NPY: variants seen among roughly 807,000 people sequenced by gnomAD.
The protein encoded by NPY is neuropeptide Y, also known as pro-neuropeptide Y.
NPY carries 11 observed loss-of-function variants against 13.2 expected under a neutral mutation model. The ratio of observed to expected loss-of-function variants is 0.83; its 90% CI spans 0.52 to 1.38. The LOEUF is 1.38. Ranked by LOEUF, NPY falls within the 40% of genes most tolerant of loss-of-function variation. The pLI is 0.00. For synonymous variants in NPY, 51 were observed against 55.6 expected (o/e 0.92, Z 0.37); for missense variants, 109 against 125.1 (o/e 0.87, Z 0.61).
intron 3 of NPY, 21 bp downstream of exon 3, chr7:24,289,600 G>C (rs1306721746): frequency 2.5e-6 from 4 of 1,595,042 alleles, no homozygotes; most frequent in Non-Finnish European, 3.4e-6. Flanking sequence ...GCTTGTGATG[G>C]GGACATTGTT....
rs772783329 is a variant in NPY at position 24,291,645 on chromosome 7, GCTT to G, written c.270-14_270-12del. ...TTGGGCAGCTTTCCTTACATGCTTT[GCTT>G]CTTATGTTTTACAGGCTTGAAGACC... On this transcript the variant is annotated splice_polypyrimidine_tract_variant and intron_variant, in intron 3 of 3. Coordinates refer to ENST00000242152, the MANE Select transcript of NPY (RefSeq NM_000905.4). 1.9e-6 allele frequency: 3 copies of G among 1,613,942 alleles called. No homozygotes were observed. The South Asian group carries it at 3.3e-5, about 18-fold the overall frequency.
At chr7:24,290,775 A>AATAATAATAATTATTATTATTATTATT (rs10701264) in intron 3 of NPY, among the ~76,000 whole-genome samples, 7 of 129,636 alleles carry the variant, frequency 5.4e-5, no homozygotes, top group Admixed American at 7.8e-5. Context: ...TAATAATAAT[A>AATAATAATAATTATTATTATTATTATT]ATTATTATTA....
intron 1 of NPY, chr7:24,284,885 G>A (rs1787295118): frequency 2.8e-6 from 1 of 356,174 alleles, no homozygotes; most frequent in Non-Finnish European, 5.2e-6. Context: ...ACAAGAGTTT[G>A]GGCAAGAAGG....
At position 24,285,118 on chromosome 7, in the gene NPY, C is replaced by A. The variant is rs959626690; in HGVS notation, c.1-123C>A. ...CTGGGTTCTCTCTGCGGGACTGGGA[C>A]GAGAGCGGATTGGGGGTCGCGTGTG... On this transcript the variant is annotated intron_variant, in intron 1 of 3. Coordinates refer to ENST00000242152, the MANE Select transcript of NPY (RefSeq NM_000905.4). The surrounding 1 kb of genome is among the most constrained non-coding windows in gnomAD (Gnocchi z 4.9). 3 of 1,021,818 alleles carry A rather than the reference C, an allele frequency of 2.9e-6. No homozygotes were observed. The highest frequency in any genetic ancestry group is 1.4e-5 in the South Asian group (1 of 69,896). 63.3% of individuals were successfully genotyped at this position (1,021,818 alleles called of 1,614,324 possible).
At chr7:24,291,309 T>G (rs1215726904) in intron 3 of NPY, among the ~76,000 whole-genome samples, 1 of 152,234 alleles carries the variant, frequency 6.6e-6, no homozygotes, top group Non-Finnish European at 1.5e-5. Flanking sequence ...TATTTAGAGT[T>G]GAGGAACAAT....
chr7:24,284,386 G>C (rs565543964), intron 1 of NPY, 111 bp downstream of exon 1: 1 of 152,570 alleles, frequency 6.6e-6, no homozygotes, highest in South Asian at 2.1e-4. Context: ...GGATGATCGC[G>C]CTCCACTCCC....
Position 24,290,541 on chromosome 7 carries a change from A to G in NPY, c.269+962A>G, listed in dbSNP as rs369319653. 3.3e-5 allele frequency among the ~76,000 whole-genome samples: 5 copies of G among 151,956 alleles called. No individual in the cohort carries two copies. The South Asian group carries it at 1.0e-3, about 32-fold the overall frequency. ...AGCAGGGTGACCCGCTGGGCCACCCACCTTCCCTTCTAACCTCCCTCAGTT... is the reference window on the plus strand; with the variant it reads ...AGCAGGGTGACCCGCTGGGCCACCCGCCTTCCCTTCTAACCTCCCTCAGTT... On this transcript the variant is annotated intron_variant, in intron 3 of 3. Coordinates refer to ENST00000242152, the MANE Select transcript of NPY (RefSeq NM_000905.4).
intron 1 of NPY, chr7:24,284,765 C>T (rs1048162024): frequency 5.7e-6 from 1 of 176,318 alleles, no homozygotes; most frequent in East Asian, 1.8e-4. Context: ...GAGCAATTCT[C>T]TTTCCCCTTC....
intron 3 of NPY, 87 bp downstream of exon 3, chr7:24,289,666 C>A: frequency 2.2e-6 from 2 of 926,788 alleles, no homozygotes; most frequent in Non-Finnish European, 1.7e-6. Flanking sequence ...TGGTGGGAGG[C>A]ACCACCAGGC....
intron 1 of NPY, chr7:24,284,831 G>A: frequency 3.8e-6 from 1 of 263,508 alleles, no homozygotes; most frequent in Non-Finnish European, 7.4e-6. Flanking sequence ...ATCCCCTGAA[G>A]CTAGGCAGAC....
chr7:24,289,415 T>A (rs1787513980), intron 2 of NPY, 84 bp from the exon 3 acceptor site: 2 of 879,732 alleles, frequency 2.3e-6, no homozygotes, highest in African/African-American at 1.7e-5. Flanking sequence ...AGTTTTCATA[T>A]CCCAAATAGG....
In NPY at chr7:24,285,231, G is replaced by A; in HGVS notation, c.1-10G>A. Reference sequence around the variant, plus strand: ...CCCAAGCCCGTCCGTTGAGCCTTCTGTGCCTGCAGATGCTAGGTAACAAGC... The same window carrying A: ...CCCAAGCCCGTCCGTTGAGCCTTCTATGCCTGCAGATGCTAGGTAACAAGC... On this transcript the variant is annotated splice_polypyrimidine_tract_variant and intron_variant, in intron 1 of 3. Coordinates refer to ENST00000242152, the MANE Select transcript of NPY (RefSeq NM_000905.4). This position sits in a 1 kb window ranked among gnomAD's most constrained non-coding sequence, Gnocchi z 4.9. 1.9e-6 allele frequency: 3 copies of A among 1,614,012 alleles called. No homozygotes were observed. Among genetic ancestry groups the A allele is most frequent in the African/African-American group, 1.3e-5 (1 of 75,044 alleles).
chr7:24,289,539 C>T lies in NPY; in HGVS notation c.229C>T (p.Leu77Phe), dbSNP rs188394452. The change falls in exon 3 of 4, where the codon CTC becomes TTC. Residue 77 changes from leucine to phenylalanine, a missense_variant. Physicochemically the swap from Leu to Phe is conservative, Grantham distance 22. Coordinates refer to ENST00000242152, the MANE Select transcript of NPY (RefSeq NM_000905.4). ...CAGCCCAGAGACACTGATTTCAGAC[C>T]TCTTGATGAGAGAAAGCACAGAAAA... ...RSSPETLISDLLMRESTENVP... is the reference protein window; with the variant it reads ...RSSPETLISDFLMRESTENVP... The T allele has an allele frequency of 7.5e-6, 12 of 1,610,522 alleles. No individual in the cohort carries two copies. In the East Asian group the frequency reaches 2.2e-4, roughly 30 times the overall value.
chr7:24,284,881 G>A, intron 1 of NPY: 1 of 351,604 alleles, frequency 2.8e-6, no homozygotes, highest in Non-Finnish European at 5.3e-6. Context: ...CCAGACAAGA[G>A]TTTGGGCAAG....
intron 3 of NPY, 51 bp downstream of exon 3, chr7:24,289,630 G>T (rs576844830): frequency 6.9e-7 from 1 of 1,458,176 alleles, no homozygotes; most frequent in Non-Finnish European, 9.5e-7. Context: ...AAGGTGCCCA[G>T]GGGAGGGAAG....
intron 3 of NPY, among the ~76,000 whole-genome samples, chr7:24,289,783 CA>C (rs1172843461): frequency 1.3e-5 from 2 of 152,156 alleles, no homozygotes; most frequent in Non-Finnish European, 2.9e-5. Context: ...TGTGGAATAA[CA>C]TTTTTTTAGC....
At chr7:24,289,146 T>C (rs1047644318) in intron 2 of NPY, among the ~76,000 whole-genome samples, 2 of 152,188 alleles carry the variant, frequency 1.3e-5, no homozygotes, top group Admixed American at 1.3e-4. Flanking sequence ...ACAATCATGC[T>C]TCCATGTTTT....
intron 2 of NPY, among the ~76,000 whole-genome samples, chr7:24,287,251 G>A (rs1411779431): frequency 6.6e-6 from 1 of 152,124 alleles, no homozygotes; most frequent in Non-Finnish European, 1.5e-5. Context: ...GCTGGTCTCT[G>A]AGGCAGAGTT....
At chr7:24,286,531 A>G (rs1787387565) in intron 2 of NPY, among the ~76,000 whole-genome samples, 1 of 152,178 alleles carries the variant, frequency 6.6e-6, no homozygotes, top group Admixed American at 6.5e-5. Flanking sequence ...CAAGTCAGGG[A>G]GTAGTTGGAA....
Sources: allele counts gnomAD v4.1 joint callset (sites outside exome capture counted in the v4.1 genomes callset), GRCh38; gene constraint gnomAD v4.1.1; non-coding constraint Gnocchi (gnomAD v3.1); transcripts MANE v1.5; gene names NCBI Gene and HGNC (gene_info 2026-07-23, HGNC 2026-07-21).